TBC1D19: variants seen among roughly 807,000 people sequenced by gnomAD.
TBC1D19 encodes TBC1 domain family, member 19.
In TBC1D19, 60 loss-of-function variants were observed where a neutral mutation model predicts 89.0. The observed-to-expected ratio is 0.67, with a 90% CI of 0.55 to 0.84. The LOEUF (loss-of-function observed/expected upper bound fraction) is 0.84. TBC1D19 is among the 40% of genes least tolerant of loss of function. The probability of loss-of-function intolerance (pLI) is 0.00; values close to 1 mark genes in which losing one functional copy is unlikely to be tolerated. For missense variants in TBC1D19, 500 were observed against 610.8 expected, an observed-to-expected ratio of 0.82 and a Z score of 1.91; for synonymous variants, 189 against 199.7, an observed-to-expected ratio of 0.95 and a Z score of 0.45.
the TBC1D19 span, among the ~76,000 whole-genome samples, chr4:26,853,107 C>A: frequency 1.3e-5 from 2 of 152,236 alleles, no homozygotes. Context: ...TTTCCAAACT[C>A]ATTCAGAGGA....
intron 3 of TBC1D19, among the ~76,000 whole-genome samples, chr4:26,615,696 A>T (rs1173172854): frequency 6.6e-6 from 1 of 152,130 alleles, no homozygotes; most frequent in African/African-American, 2.4e-5. Context: ...CCATCTTCCC[A>T]GTTGGATTTG....
Position 26,637,249 on chromosome 4 carries a change from T to C in TBC1D19, c.333T>C (p.Ser111=), listed in dbSNP as rs748251447. 1.2e-6 allele frequency: 2 copies of C among 1,611,642 alleles called. No individual in the cohort carries two copies. The highest frequency in any genetic ancestry group is 8.5e-7 in the Non-Finnish European group (1 of 1,178,716). Residue 111 remains serine (S), a synonymous_variant, in exon 5 of 21, where the codon AGT becomes AGC. Transcript: ENST00000264866. ...WEKRILKSLN[S]MCTELSIPLA... ...AAAGAATTTTGAAGAGTTTAAATAG[T>C]ATGTGCACTGAACTGAGTATCCCAC...
intron 13 of TBC1D19, among the ~76,000 whole-genome samples, chr4:26,692,205 C>A (rs1714351782): frequency 6.6e-6 from 1 of 152,092 alleles, no homozygotes; most frequent in Admixed American, 6.6e-5. Flanking sequence ...ACAATATCTC[C>A]ACAGGAGGGG....
chr4:26,767,082 G>A, the TBC1D19 span, among the ~76,000 whole-genome samples: 24 of 152,158 alleles, frequency 1.6e-4, no homozygotes, highest in Non-Finnish European at 2.6e-4. Flanking sequence ...AGGCAGGAGG[G>A]TTGCTTGAGC....
At position 26,607,796 on chromosome 4, in the gene TBC1D19, G is replaced by A. The variant is rs567404398; in HGVS notation, c.100-5373G>A. On this transcript the variant is annotated intron_variant, in intron 1 of 20. Coordinates refer to ENST00000264866, the MANE Select transcript of TBC1D19 (RefSeq NM_018317.4). ...GAACCTGTTTCTCTTATCTTTTGTCGTGTGTTTGGGACACTTCTTACAAAT... is the reference window on the plus strand; with the variant it reads ...GAACCTGTTTCTCTTATCTTTTGTCATGTGTTTGGGACACTTCTTACAAAT... 9.2e-5 allele frequency among the ~76,000 whole-genome samples: 14 copies of A among 152,118 alleles called. No homozygotes were observed. The South Asian group carries it at 1.0e-3, about 11-fold the overall frequency.
At chr4:26,581,952 T>G (rs963250441), upstream of TBC1D19, among the ~76,000 whole-genome samples, 16 of 151,634 alleles carry the variant, frequency 1.1e-4, no homozygotes, top group Non-Finnish European at 2.2e-4. Flanking sequence ...AAAAACAATT[T>G]AAAGATATTA....
At chr4:26,817,975 A>ACATATATAT in the TBC1D19 span, among the ~76,000 whole-genome samples, 8 of 105,210 alleles carry the variant, frequency 7.6e-5, no homozygotes, top group African/African-American at 3.8e-4. Context: ...ATTTAAAAAA[A>ACATATATAT]AAAAAAATAT....
intron 2 of TBC1D19, 52 bp downstream of exon 2, chr4:26,613,293 T>A: frequency 8.4e-7 from 1 of 1,187,156 alleles, no homozygotes; most frequent in Non-Finnish European, 1.2e-6. Context: ...ATGTTTTATT[T>A]ATTCCTAATT....
chr4:26,640,224 A>G lies in TBC1D19; in HGVS notation c.480+37A>G, dbSNP rs759313473. The stretch of plus-strand genomic sequence containing the variant: ...TGGATAAATACACATATATTAATGA[A>G]TGAATAATGTGAATAAATGATGATG... On this transcript the variant is annotated intron_variant, in intron 7 of 20. Coordinates refer to ENST00000264866, the MANE Select transcript of TBC1D19 (RefSeq NM_018317.4). 4 of 1,457,396 alleles carry G rather than the reference A, an allele frequency of 2.7e-6. No homozygotes were observed. In the South Asian group the frequency reaches 3.5e-5, roughly 13 times the overall value. The allele number at this position is 1,457,396 out of a possible 1,614,324, so 90.3% of individuals were successfully genotyped here. A position where few individuals can be genotyped will look rare whatever the true frequency, so the allele number is the denominator to read the frequency against.
chr4:26,821,993 G>T, the TBC1D19 span, among the ~76,000 whole-genome samples: 1 of 152,226 alleles, frequency 6.6e-6, no homozygotes, highest in Non-Finnish European at 1.5e-5. Context: ...TTGTTCTGCA[G>T]CAGTCGCCAC....
At chr4:26,754,192 A>G (rs1212969219) in intron 20 of TBC1D19, 1 of 274,146 alleles carries the variant, frequency 3.6e-6, no homozygotes, top group Non-Finnish European at 7.1e-6. Context: ...GCATTTTTTT[A>G]TCGTTCATGT....
At chr4:26,749,570 C>G (rs373945332) in intron 19 of TBC1D19, among the ~76,000 whole-genome samples, 2 of 151,798 alleles carry the variant, frequency 1.3e-5, no homozygotes, top group South Asian at 2.1e-4. Context: ...CCTCAGCCTC[C>G]CGAATAGCTG....
the TBC1D19 span, among the ~76,000 whole-genome samples, chr4:26,787,464 A>G: frequency 1.3e-5 from 2 of 152,158 alleles, no homozygotes; most frequent in East Asian, 3.9e-4. Context: ...ATGGGATTAC[A>G]GCCAGGCCTG....
chr4:26,588,566 G>A lies in TBC1D19; in HGVS notation c.99+4274G>A, dbSNP rs1240004566. ...TTAAATGCTCTAAATTTCTTTCTATGTACTGGTTTATCTGTGTCTATAAAT... is the reference window on the plus strand; with the variant it reads ...TTAAATGCTCTAAATTTCTTTCTATATACTGGTTTATCTGTGTCTATAAAT... On this transcript the variant is annotated intron_variant, in intron 1 of 20. Coordinates refer to ENST00000264866, the MANE Select transcript of TBC1D19 (RefSeq NM_018317.4). Among the ~76,000 whole-genome samples, 5 of 151,814 alleles carry A rather than the reference G, an allele frequency of 3.3e-5. No homozygotes were observed. In the Middle Eastern group the frequency reaches 0.01, roughly 310 times the overall value.
chr4:26,858,717 A>G, the TBC1D19 span: 1 of 152,200 alleles, frequency 6.6e-6, no homozygotes, highest in Non-Finnish European at 1.5e-5. Flanking sequence ...GGCAAAGATG[A>G]TCTGCGGTGG....
chr4:26,855,944 A>T, the TBC1D19 span, among the ~76,000 whole-genome samples: 5 of 152,374 alleles, frequency 3.3e-5, no homozygotes, highest in African/African-American at 1.2e-4. Flanking sequence ...CTGAGCTAAC[A>T]TATCTATTAT....
chr4:26,825,479 CA>C, the TBC1D19 span, among the ~76,000 whole-genome samples: 1 of 152,118 alleles, frequency 6.6e-6, no homozygotes, highest in Non-Finnish European at 1.5e-5. Context: ...TTTATTTTTT[CA>C]ATGACATTTT....
chr4:26,704,711 A>G (rs1375644192), intron 13 of TBC1D19, among the ~76,000 whole-genome samples: 2 of 152,174 alleles, frequency 1.3e-5, no homozygotes, highest in Non-Finnish European at 1.5e-5. Flanking sequence ...AGAAATATAT[A>G]TAAATTCTAT....
chr4:26,700,319 A>G (rs1165951229), intron 13 of TBC1D19, among the ~76,000 whole-genome samples: 1 of 152,208 alleles, frequency 6.6e-6, no homozygotes, highest in Non-Finnish European at 1.5e-5. Context: ...CAGACATATC[A>G]TAGTCAAACT....
Sources: allele counts gnomAD v4.1 joint callset (sites outside exome capture counted in the v4.1 genomes callset), GRCh38; gene constraint gnomAD v4.1.1; transcripts MANE v1.5; gene names NCBI Gene and HGNC (gene_info 2026-07-23, HGNC 2026-07-21).